The following KSR1 variants were observed in gnomAD, a reference collection of about 807,000 sequenced individuals.
KSR1 encodes kinase suppressor of ras.
Under a neutral mutation model 92.9 loss-of-function variants are expected in KSR1, and 35 were observed. The observed-to-expected ratio is 0.38, with a 90% CI of 0.29 to 0.50. The LOEUF (loss-of-function observed/expected upper bound fraction) is 0.50, where lower values mean the gene tolerates loss of function less well. Among genes scored for constraint, KSR1 ranks in the 20% least tolerant of loss-of-function variants. The pLI is 0.94. For synonymous variants in KSR1, 467 were observed against 472.6 expected (o/e 0.99, Z 0.15); for missense variants, 972 against 1,158.5 (o/e 0.84, Z 2.34).
Position 27,610,164 on chromosome 17 carries a change from C to T in KSR1, c.2323C>T (p.Pro775Ser). The T allele has an allele frequency of 3.1e-6, 5 of 1,614,054 alleles. No homozygotes were observed. The highest frequency in any genetic ancestry group is 3.4e-6 in the Non-Finnish European group (4 of 1,179,880). The change falls in exon 17 of 21, where the codon CCA becomes TCA. Residue 775 changes from proline (P) to serine (S), a missense_variant. Coordinates refer to ENST00000644974, the MANE Select transcript of KSR1 (RefSeq NM_001394583.1). ...MTPGKDEDQL[P>S]FSKAADVYAF... is the part of the protein sequence containing the mutation. ...CCCCGGGAAGGACGAGGATCAGCTG[C>T]CATTCTCCAAAGCTGCTGATGTCTA...
chr17:27,619,420 C>A (rs1350248657), intron 19 of KSR1, among the ~76,000 whole-genome samples: 1 of 145,502 alleles, frequency 6.9e-6, no homozygotes, highest in Admixed American at 7.0e-5. Flanking sequence ...TTTTTAAAGG[C>A]AGAGTCTTGT....
At chr17:27,580,452 C>G (rs2072706488) in intron 3 of KSR1, among the ~76,000 whole-genome samples, 1 of 152,164 alleles carries the variant, frequency 6.6e-6, no homozygotes, top group African/African-American at 2.4e-5. Flanking sequence ...AAGGCTAATT[C>G]ATCCCCCCTA....
At chr17:27,557,564 T>C (rs926026041) in intron 2 of KSR1, among the ~76,000 whole-genome samples, 1 of 152,202 alleles carries the variant, frequency 6.6e-6, no homozygotes, top group Non-Finnish European at 1.5e-5. Context: ...GTATCTAGAA[T>C]GGGCCTATCT....
In KSR1 at chr17:27,603,905, G is replaced by A. The variant is rs1222226752; in HGVS notation, c.1565+17G>A. The A allele has an allele frequency of 1.2e-6, 2 of 1,613,362 alleles. No individual in the cohort carries two copies. Among genetic ancestry groups the A allele is most frequent in the African/African-American group, 2.7e-5 (2 of 74,896 alleles). ...CGGTACCCGGTAGGCATCCCTAGGTGGTGTCCCCTTCGCTTCTTTGGGGAA... is the reference window on the plus strand; with the variant it reads ...CGGTACCCGGTAGGCATCCCTAGGTAGTGTCCCCTTCGCTTCTTTGGGGAA... On this transcript the variant is annotated intron_variant, in intron 12 of 20. Coordinates refer to ENST00000644974, the MANE Select transcript of KSR1 (RefSeq NM_001394583.1).
intron 20 of KSR1, chr17:27,622,037 AG>A: frequency 9.6e-7 from 1 of 1,045,324 alleles, no homozygotes; most frequent in Non-Finnish European, 1.5e-6. Flanking sequence ...GCACTAACCC[AG>A]GGGATGCCAC....
At chr17:27,574,524 A>G (rs2072431067) in intron 2 of KSR1, among the ~76,000 whole-genome samples, 1 of 152,242 alleles carries the variant, frequency 6.6e-6, no homozygotes, top group South Asian at 2.1e-4. Context: ...CTGAAAAGCT[A>G]CAAAAGCATC....
At position 27,602,006 on chromosome 17, in the gene KSR1, T is replaced by C. The variant is rs755476897; in HGVS notation, c.1510+605T>C. The C allele has an allele frequency of 8.3e-6, 11 of 1,327,558 alleles. No homozygotes were observed. The Admixed American group carries it at 1.8e-4, about 21-fold the overall frequency. 82.2% of individuals were successfully genotyped at this position (1,327,558 alleles called of 1,614,324 possible). ...TTCTGCAAAAGTTGTTTTCTACACTTACTATGTACCAACCTTTTCATTCCT... is the reference window on the plus strand; with the variant it reads ...TTCTGCAAAAGTTGTTTTCTACACTCACTATGTACCAACCTTTTCATTCCT... On this transcript the variant is annotated intron_variant, in intron 11 of 20. Coordinates refer to ENST00000644974, the MANE Select transcript of KSR1 (RefSeq NM_001394583.1).
intron 2 of KSR1, 29 bp downstream of exon 2, chr17:27,550,737 T>G (rs775750952): frequency 1.3e-6 from 1 of 754,550 alleles, no homozygotes; most frequent in South Asian, 1.3e-5. Context: ...AGCATAGGGA[T>G]AGGCATGAGG....
intron 9 of KSR1, among the ~76,000 whole-genome samples, chr17:27,593,399 T>A (rs1436224999): frequency 6.6e-6 from 1 of 152,196 alleles, no homozygotes; most frequent in Non-Finnish European, 1.5e-5. Flanking sequence ...TATTTTTAAG[T>A]GTGTTCTACC....
At chr17:27,512,936 G>A (rs968992884) in intron 1 of KSR1, among the ~76,000 whole-genome samples, 2 of 152,072 alleles carry the variant, frequency 1.3e-5, no homozygotes, top group Non-Finnish European at 2.9e-5. Flanking sequence ...CAGCGCCCCC[G>A]GAGGCTCCCT....
At chr17:27,530,620 T>A (rs1378929418) in intron 1 of KSR1, among the ~76,000 whole-genome samples, 1 of 152,152 alleles carries the variant, frequency 6.6e-6, no homozygotes, top group Admixed American at 6.6e-5. Flanking sequence ...TCCCTTTTCC[T>A]CTTGTGACAT....
At chr17:27,484,017 G>A (rs2068591624) in intron 1 of KSR1, among the ~76,000 whole-genome samples, 1 of 152,334 alleles carries the variant, frequency 6.6e-6, no homozygotes, top group East Asian at 1.9e-4. Flanking sequence ...GTGGTGGAGG[G>A]TGGGGAGCTG....
Position 27,518,782 on chromosome 17 carries a change from A to G in KSR1, c.232-31786A>G, listed in dbSNP as rs2945410. Among the ~76,000 whole-genome samples the G allele has an allele frequency of 9.7e-3, 1,480 of 152,302 alleles. 33 individuals carry two copies. Among genetic ancestry groups the G allele is most frequent in the Admixed American group, 0.048 (734 of 15,306 alleles). On this transcript the variant is annotated intron_variant, in intron 1 of 20. Transcript: ENST00000644974. Reference sequence around the variant, plus strand: ...CCTAGACCCTCCTCCCTCTCCACCAAAGGCATAGCCTTCATAGTGCTGGAA... The same window carrying G: ...CCTAGACCCTCCTCCCTCTCCACCAGAGGCATAGCCTTCATAGTGCTGGAA...
chr17:27,518,128 T>C (rs898956613), intron 1 of KSR1, among the ~76,000 whole-genome samples: 20 of 152,122 alleles, frequency 1.3e-4, no homozygotes, highest in African/African-American at 4.6e-4. Context: ...GATGCTCTCA[T>C]TGAAATCTAT....
chr17:27,543,346 C>A (rs2071036034), intron 1 of KSR1, among the ~76,000 whole-genome samples: 1 of 152,156 alleles, frequency 6.6e-6, no homozygotes, highest in Non-Finnish European at 1.5e-5. Context: ...GGCCCAGGAC[C>A]CATGCTATGG....
Position 27,594,393 on chromosome 17 carries a change from AC to A in KSR1, c.1299+1769del, listed in dbSNP as rs1268822504. 2.0e-5 allele frequency among the ~76,000 whole-genome samples: 3 copies of A among 151,562 alleles called. No homozygotes were observed. The East Asian group carries it at 5.8e-4, about 30-fold the overall frequency. ...GCCCCTGCCTCTCCTCTCCAGCTAC[AC>A]CAAGCACACCCCCCATGCCTGTGGG... On this transcript the variant is annotated intron_variant, in intron 9 of 20. Coordinates refer to ENST00000644974, the MANE Select transcript of KSR1 (RefSeq NM_001394583.1).
intron 1 of KSR1, among the ~76,000 whole-genome samples, chr17:27,461,056 TTTTTGTTTTG>T (rs1203216496): frequency 6.6e-6 from 1 of 152,050 alleles, no homozygotes; most frequent in Non-Finnish European, 1.5e-5. Flanking sequence ...CCTCCTGGTT[TTTTTGTTTTG>T]TTTTGTTTTT....
At chr17:27,533,509 G>A (rs1204823077) in intron 1 of KSR1, among the ~76,000 whole-genome samples, 2 of 151,700 alleles carry the variant, frequency 1.3e-5, no homozygotes, top group East Asian at 3.9e-4. Context: ...TCAGCCTCCC[G>A]AGTAGCTGGG....
chr17:27,573,139 C>T (rs73983477), intron 2 of KSR1, among the ~76,000 whole-genome samples: 4 of 152,212 alleles, frequency 2.6e-5, no homozygotes, highest in African/African-American at 7.2e-5. Flanking sequence ...GGGGTCTCCG[C>T]GCTTAGGCCT....
Sources: gnomAD v4.1 joint callset for allele counts (sites outside exome capture counted in the v4.1 genomes callset) on GRCh38, gnomAD v4.1.1 for gene constraint, MANE v1.5 for transcripts, NCBI Gene and HGNC (gene_info 2026-07-23, HGNC 2026-07-21) for gene names.